AHCY: variants seen among roughly 807,000 people sequenced by gnomAD.
AHCY encodes S-adenosyl-L-homocysteine hydrolase.
In AHCY, 24 loss-of-function variants were observed where a neutral mutation model predicts 45.4. The ratio of observed to expected loss-of-function variants is 0.53; its 90% confidence interval spans 0.38 to 0.74. The LOEUF (loss-of-function observed/expected upper bound fraction) is 0.74. Ranked by LOEUF, AHCY falls within the 30% of genes least tolerant of loss-of-function variation. The pLI is 0.00. For synonymous variants in AHCY, 245 were observed against 235.1 expected (o/e 1.04, Z -0.39); for missense variants, 449 against 594.1 (o/e 0.76, Z 2.54).
chr20:34,235,786 GAAGAAAGAAAGAAAGA>G, the AHCY span, among the ~76,000 whole-genome samples: 874 of 61,368 alleles, frequency 0.014, 38 homozygotes, highest in African/African-American at 0.036. Flanking sequence ...CTCTGAGAAA[GAAGAAAGAAAGAAAGA>G]AAGAAAGAAA....
chr20:34,287,139 C>T (rs970182495), intron 8 of AHCY, among the ~76,000 whole-genome samples: 21 of 152,116 alleles, frequency 1.4e-4, no homozygotes, highest in Admixed American at 6.5e-5. Context: ...GGCCTAGTAC[C>T]GATCCAAGGA....
chr20:34,288,477 G>A (rs1447888801), intron 8 of AHCY, among the ~76,000 whole-genome samples: 1 of 152,122 alleles, frequency 6.6e-6, no homozygotes, highest in Non-Finnish European at 1.5e-5. Flanking sequence ...AGACCAGCCT[G>A]GGGAACACAG....
intron 5 of AHCY, 140 bp from the exon 6 acceptor site, chr20:34,291,078 C>T (rs2036370890): frequency 2.6e-6 from 2 of 764,510 alleles, no homozygotes; most frequent in Non-Finnish European, 4.3e-6. Flanking sequence ...CCTCCAGCAC[C>T]CAATGCCCCC....
the AHCY span, among the ~76,000 whole-genome samples, chr20:34,271,273 C>T: frequency 1.3e-5 from 2 of 152,092 alleles, no homozygotes; most frequent in Admixed American, 1.3e-4. Flanking sequence ...CTCCTCAAGC[C>T]TAAAGTGCTA....
At chr20:34,264,812 T>TA in the AHCY span, among the ~76,000 whole-genome samples, 10 of 149,242 alleles carry the variant, frequency 6.7e-5, no homozygotes, top group Admixed American at 2.7e-4. Flanking sequence ...TTTTTTTTTT[T>TA]AGAAATGGGG....
At chr20:34,259,074 T>C in the AHCY span, among the ~76,000 whole-genome samples, 2 of 150,360 alleles carry the variant, frequency 1.3e-5, no homozygotes, top group Non-Finnish European at 3.0e-5. Flanking sequence ...GCCAGGTGTG[T>C]TTGCACATGC....
At chr20:34,246,525 C>T in the AHCY span, 68 of 1,132,170 alleles carry the variant, frequency 6.0e-5, no homozygotes, top group Middle Eastern at 2.8e-4. Context: ...CCACTGGATT[C>T]AGAAATCTCA....
chr20:34,306,251 G>T (rs1014632145), upstream of AHCY, among the ~76,000 whole-genome samples: 1 of 152,108 alleles, frequency 6.6e-6, no homozygotes, highest in Non-Finnish European at 1.5e-5. Flanking sequence ...GGAGACTGCT[G>T]GTCTCAGGAG....
the AHCY span, chr20:34,246,116 T>G: frequency 1.1e-6 from 1 of 900,638 alleles, no homozygotes; most frequent in South Asian, 1.4e-5. Flanking sequence ...TCTTTGTGCT[T>G]CTTTAAGATC....
chr20:34,257,070 C>T, the AHCY span, among the ~76,000 whole-genome samples: 14,631 of 139,232 alleles, frequency 0.11, 851 homozygotes, highest in East Asian at 0.21. Context: ...CTTTCTTTCT[C>T]TTTTTTTTTT....
the AHCY span, among the ~76,000 whole-genome samples, chr20:34,248,640 T>TA: frequency 1.3e-3 from 204 of 151,632 alleles, 1 homozygote; most frequent in African/African-American, 4.7e-3. Flanking sequence ...TCACCTCTAC[T>TA]AAAAAAATAA....
downstream of AHCY, among the ~76,000 whole-genome samples, chr20:34,277,860 G>C (rs532627054): frequency 6.6e-6 from 1 of 151,834 alleles, no homozygotes; most frequent in South Asian, 2.1e-4. Context: ...CTGTCCCTGC[G>C]GGGAACACAG....
the AHCY span, among the ~76,000 whole-genome samples, chr20:34,235,910 G>A: frequency 9.1e-6 from 1 of 109,296 alleles, no homozygotes; most frequent in African/African-American, 9.3e-5. Context: ...AAGGAAGGAA[G>A]GAAGGAAGGA....
chr20:34,244,304 C>T, the AHCY span, among the ~76,000 whole-genome samples: 1 of 152,176 alleles, frequency 6.6e-6, no homozygotes, highest in African/African-American at 2.4e-5. Context: ...AGACATGTTT[C>T]ACTTGCTATT....
At chr20:34,266,274 C>T in the AHCY span, among the ~76,000 whole-genome samples, 1 of 151,696 alleles carries the variant, frequency 6.6e-6, no homozygotes, top group African/African-American at 2.4e-5. Flanking sequence ...ATGGCGTGAA[C>T]CCGGGAGGCA....
the AHCY span, among the ~76,000 whole-genome samples, chr20:34,238,821 G>GT: frequency 6.6e-6 from 1 of 151,996 alleles, no homozygotes; most frequent in African/African-American, 2.4e-5. Context: ...TTTTGTTACT[G>GT]TTTTTTGTTA....
chr20:34,261,313 A>C, the AHCY span, among the ~76,000 whole-genome samples: 1 of 152,034 alleles, frequency 6.6e-6, no homozygotes, highest in South Asian at 2.1e-4. Context: ...AGACTGAGCG[A>C]CATAGGGAGA....
At chr20:34,277,611 C>T (rs762850368), downstream of AHCY, among the ~76,000 whole-genome samples, 5 of 151,832 alleles carry the variant, frequency 3.3e-5, no homozygotes, top group East Asian at 1.9e-4. Flanking sequence ...AAAAATTAGC[C>T]GGACACGGTG....
At chr20:34,242,156 G>A in the AHCY span, among the ~76,000 whole-genome samples, 1 of 151,826 alleles carries the variant, frequency 6.6e-6, no homozygotes, top group Admixed American at 6.6e-5. Flanking sequence ...TAAATGGGAT[G>A]GCATAGTGAA....
Sources: allele counts gnomAD v4.1 joint callset (sites outside exome capture counted in the v4.1 genomes callset), GRCh38; gene constraint gnomAD v4.1.1; transcripts MANE v1.5; gene names NCBI Gene and HGNC (gene_info 2026-07-23, HGNC 2026-07-21).